MYH14: variants seen among roughly 807,000 people sequenced by gnomAD.
The protein encoded by MYH14 is myosin heavy chain 14.
In MYH14, 123 loss-of-function variants were observed where a neutral mutation model predicts 255.5. The observed-to-expected ratio is 0.48, with a 90% confidence interval of 0.42 to 0.56. The LOEUF (loss-of-function observed/expected upper bound fraction) is 0.56, where lower values mean the gene tolerates loss of function less well. Among genes scored for constraint, MYH14 ranks in the 20% least tolerant of loss-of-function variants. The pLI is 0.00. For missense variants in MYH14, 2,423 were observed against 2,802.3 expected, an observed-to-expected ratio of 0.86 and a Z score of 3.06; for synonymous variants, 1,095 against 1,161.2, an observed-to-expected ratio of 0.94 and a Z score of 1.16.
intron 21 of MYH14, among the ~76,000 whole-genome samples, 151 bp downstream of exon 21, chr19:50,261,786 T>A (rs2034890282): frequency 6.6e-6 from 1 of 151,774 alleles, no homozygotes; most frequent in Non-Finnish European, 1.5e-5. Flanking sequence ...GCTTCTTGGT[T>A]CTGCAGTCCC....
intron 2 of MYH14, among the ~76,000 whole-genome samples, chr19:50,211,694 A>T (rs1447321465): frequency 6.6e-6 from 1 of 151,970 alleles, no homozygotes; most frequent in African/African-American, 2.4e-5. Context: ...CTTAAGATTG[A>T]GATGGGGCTG....
Position 50,252,372 on chromosome 19 carries a change from G to A in MYH14, c.1831-267G>A, listed in dbSNP as rs755395989. Among the ~76,000 whole-genome samples the A allele has an allele frequency of 5.3e-5, 8 of 152,156 alleles. No individual in the cohort carries two copies. Among genetic ancestry groups the A allele is most frequent in the Non-Finnish European group, 1.2e-4 (8 of 68,042 alleles). ...CGCATGTTTGAGGAACAGTGCGGAG[G>A]CCAGGGTGGCTGGAGCGGAATGAAT... On this transcript the variant is annotated intron_variant, in intron 15 of 42. Coordinates refer to ENST00000642316, the MANE Select transcript of MYH14 (RefSeq NM_001145809.2). This position sits in a 1 kb window ranked among gnomAD's most constrained non-coding sequence, Gnocchi z 4.2.
Position 50,310,039 on chromosome 19 carries a change from G to A in MYH14, c.*249G>A, listed in dbSNP as rs1360270680. ...GCTACCTTGCTTGTTGGGGGACTGGGTACAGTTGGCAAGCTGTGTTTCCAT... is the reference window on the plus strand; with the variant it reads ...GCTACCTTGCTTGTTGGGGGACTGGATACAGTTGGCAAGCTGTGTTTCCAT... On this transcript the variant is annotated 3_prime_UTR_variant, in exon 43 of 43. Coordinates refer to ENST00000642316, the MANE Select transcript of MYH14 (RefSeq NM_001145809.2). 1 of 597,374 alleles carries A rather than the reference G, an allele frequency of 1.7e-6. No individual in the cohort carries two copies. Among genetic ancestry groups the A allele is most frequent in the South Asian group, 2.1e-5 (1 of 48,700 alleles). 37.0% of individuals were successfully genotyped at this position (597,374 alleles called of 1,614,324 possible).
intron 10 of MYH14, among the ~76,000 whole-genome samples, chr19:50,241,410 G>C (rs2033886686): frequency 6.6e-6 from 1 of 151,858 alleles, no homozygotes; most frequent in Non-Finnish European, 1.5e-5. Context: ...ACTCCAGCCT[G>C]ATGACACAGC....
chr19:50,261,913 G>T (rs1180147911), intron 21 of MYH14, among the ~76,000 whole-genome samples: 1 of 152,154 alleles, frequency 6.6e-6, no homozygotes, highest in Non-Finnish European at 1.5e-5. Flanking sequence ...GTTTCCCAGG[G>T]TGCAGGACTT....
chr19:50,292,164 G>A (rs576979233), intron 36 of MYH14, 97 bp from the exon 37 acceptor site: 25 of 1,284,254 alleles, frequency 1.9e-5, no homozygotes, highest in South Asian at 8.7e-5. Flanking sequence ...GCTTGTTCAC[G>A]GGAGCTGAGG....
At chr19:50,309,461 C>G (rs529352923) in intron 42 of MYH14, 179 bp from the exon 43 acceptor site, 14 of 624,240 alleles carry the variant, frequency 2.2e-5, no homozygotes, top group African/African-American at 2.0e-4. Context: ...TCTCTGCCCC[C>G]CATTGCTTCT....
chr19:50,247,503 C>G (rs1276356251), intron 12 of MYH14, among the ~76,000 whole-genome samples: 1 of 151,268 alleles, frequency 6.6e-6, no homozygotes, highest in Non-Finnish European at 1.5e-5. Flanking sequence ...GACTCTGTCT[C>G]TAAAAAAATT....
rs1045254734 is a variant in MYH14 at position 50,286,753 on chromosome 19, G to C, written c.4752+59G>C. On this transcript the variant is annotated intron_variant, in intron 34 of 42. Coordinates refer to ENST00000642316, the MANE Select transcript of MYH14 (RefSeq NM_001145809.2). Reference sequence around the variant, plus strand: ...GGTGAGGGGAGACACGTACATGCATGTATGCTTTCACACATAGAACATGAA... The same window carrying C: ...GGTGAGGGGAGACACGTACATGCATCTATGCTTTCACACATAGAACATGAA... The C allele has an allele frequency of 4.2e-5, 61 of 1,442,252 alleles. No homozygotes were observed. The East Asian group carries it at 1.5e-3, about 35-fold the overall frequency. 89.3% of individuals were successfully genotyped at this position (1,442,252 alleles called of 1,614,324 possible). A position where few individuals can be genotyped will look rare whatever the true frequency, so the allele number is the denominator to read the frequency against.
Position 50,281,702 on chromosome 19 carries a change from G to A in MYH14, c.4399G>A (p.Ala1467Thr). 1.9e-6 allele frequency: 3 copies of A among 1,612,224 alleles called. No individual in the cohort carries two copies. Among genetic ancestry groups the A allele is most frequent in the Non-Finnish European group, 2.5e-6 (3 of 1,179,578 alleles). ...GGCCGAGGCCCTGACCCAGCGCCTG[G>A]CAGAAAAGACAGAGACCGTGGATCG... Reference protein sequence around the residue: ...REAEALTQRLAEKTETVDRLE... With the variant: ...REAEALTQRLTEKTETVDRLE... Residue 1467 changes from alanine to threonine, a missense_variant, in exon 33 of 43, where the codon GCA (alanine) becomes ACA (threonine). By Grantham distance (58) the Ala-to-Thr change is moderately conservative. Transcript: ENST00000642316.
rs371338704 is a variant in MYH14 at position 50,223,111 on chromosome 19, G to T, written c.590+1G>T. The stretch of plus-strand genomic sequence containing the variant: ...GTGAGGACCAGTCCATTCTCTGCAC[G>T]TGAGTAATCTGGAAGGACTTCCTGG... On this transcript the variant is annotated splice_donor_variant, in intron 4 of 42. Transcript: ENST00000642316. LOFTEE classifies it high-confidence loss of function. The T allele has an allele frequency of 1.2e-6, 2 of 1,613,706 alleles. No individual in the cohort carries two copies. The highest frequency in any genetic ancestry group is 2.2e-5 in the South Asian group (2 of 91,080).
intron 39 of MYH14, among the ~76,000 whole-genome samples, chr19:50,296,239 A>C (rs1296994280): frequency 6.6e-6 from 1 of 152,244 alleles, no homozygotes; most frequent in Non-Finnish European, 1.5e-5. Context: ...CAAAAGGCCT[A>C]GAAACAGGGA....
chr19:50,244,476 T>C, intron 11 of MYH14, 139 bp downstream of exon 11: 1 of 593,184 alleles, frequency 1.7e-6, no homozygotes, highest in South Asian at 2.0e-5. Context: ...TCTGATTTCC[T>C]GCATTTTTTT....
At position 50,280,545 on chromosome 19, in the gene MYH14, C is replaced by A. The variant is rs1045326034; in HGVS notation, c.4290+162C>A. Among the ~76,000 whole-genome samples the A allele has an allele frequency of 3.3e-5, 5 of 152,174 alleles. No individual in the cohort carries two copies. Among genetic ancestry groups the A allele is most frequent in the African/African-American group, 1.2e-4 (5 of 41,438 alleles). ...CCCCCTTACCCCCCACAGCCCATGC[C>A]CAGCCCTGGCTGTCCTGACCCCTGA... On this transcript the variant is annotated intron_variant, in intron 32 of 42. Transcript: ENST00000642316. The surrounding 1 kb of genome is among the most constrained non-coding windows in gnomAD (Gnocchi z 4.8).
intron 2 of MYH14, among the ~76,000 whole-genome samples, chr19:50,216,538 A>G (rs2032482217): frequency 6.6e-6 from 1 of 151,610 alleles, no homozygotes; most frequent in Non-Finnish European, 1.5e-5. Flanking sequence ...TAGGAGGTGG[A>G]GGCTGCAGTG....
chr19:50,216,801 C>CTTTTTTTTTTT (rs200626930), intron 2 of MYH14, among the ~76,000 whole-genome samples: 1 of 112,792 alleles, frequency 8.9e-6, no homozygotes, highest in African/African-American at 3.9e-5. Flanking sequence ...TCCATCCTTT[C>CTTTTTTTTTTT]TTTTTTTTTT....
At chr19:50,278,659 G>C (rs1176190044) in intron 30 of MYH14, among the ~76,000 whole-genome samples, 1 of 152,012 alleles carries the variant, frequency 6.6e-6, no homozygotes, top group Non-Finnish European at 1.5e-5. Flanking sequence ...AGCTGTGATT[G>C]TGCCACTGCA....
chr19:50,285,591 C>G (rs1167885509), intron 33 of MYH14: 1 of 152,146 alleles, frequency 6.6e-6, no homozygotes, highest in Non-Finnish European at 1.5e-5. Flanking sequence ...TGGCTAAACT[C>G]ACTTACTAGT....
intron 1 of MYH14, among the ~76,000 whole-genome samples, chr19:50,209,410 G>A (rs930234034): frequency 6.6e-6 from 1 of 152,152 alleles, no homozygotes; most frequent in African/African-American, 2.4e-5. Flanking sequence ...CACTTTGGGA[G>A]GCTGAAGAGG....
Sources: allele counts gnomAD v4.1 joint callset (sites outside exome capture counted in the v4.1 genomes callset), GRCh38; gene constraint gnomAD v4.1.1; non-coding constraint Gnocchi (gnomAD v3.1); transcripts MANE v1.5; gene names NCBI Gene and HGNC (gene_info 2026-07-23, HGNC 2026-07-21).